KAZN: variants seen among roughly 807,000 people sequenced by gnomAD.
The protein encoded by KAZN is kazrin, periplakin interacting protein.
A neutral mutation model predicts 87.4 loss-of-function variants in KAZN; 40 were observed. The observed-to-expected ratio is 0.46, with a 90% confidence interval of 0.36 to 0.60. KAZN has a LOEUF of 0.60. KAZN is among the 20% of genes least tolerant of loss of function. The pLI is 0.00. For missense variants in KAZN, 898 were observed against 1,073.9 expected (o/e 0.84, Z 2.29); for synonymous variants, 466 against 458.3 (o/e 1.02, Z -0.22).
chr1:14,165,239 T>A (rs920299131), intron 1 of KAZN, among the ~76,000 whole-genome samples: 1 of 129,026 alleles, frequency 7.8e-6, no homozygotes, highest in African/African-American at 2.9e-5. Context: ...TGGGCCCTCA[T>A]CCTTTTGTCA....
At chr1:14,681,229 A>G (rs114078808) in intron 1 of KAZN, among the ~76,000 whole-genome samples, 2 of 152,176 alleles carry the variant, frequency 1.3e-5, no homozygotes, top group African/African-American at 2.4e-5. Flanking sequence ...AAATACCTAC[A>G]CTATATCATG....
At chr1:14,459,677 A>T (rs1177925024) in intron 2 of KAZN, among the ~76,000 whole-genome samples, 1 of 152,124 alleles carries the variant, frequency 6.6e-6, no homozygotes, top group Non-Finnish European at 1.5e-5. Context: ...GCAGCAGGAG[A>T]TGTTGGTCCA....
rs201188620 is a variant in KAZN, at chr1:14,896,041, CTTTTTTTTTTTTT to C, written c.227-64624_227-64612del. ...CAGTAAGTACAAATGAAAAAGACGC[CTTTTTTTTTTTTT>C]TTTTTTTTTTTTTTTTTTGGACACA... On this transcript the variant is annotated intron_variant, in intron 1 of 14. Coordinates refer to ENST00000376030, the MANE Select transcript of KAZN (RefSeq NM_201628.3). Among the ~76,000 whole-genome samples the C allele has an allele frequency of 8.4e-4, 118 of 140,762 alleles. 2 individuals carry two copies. The East Asian group carries it at 0.024, about 28-fold the overall frequency. 92.3% of individuals were successfully genotyped at this position (140,762 alleles called of 152,430 possible). A position where few individuals can be genotyped will look rare whatever the true frequency, so the allele number is the denominator to read the frequency against.
At chr1:14,970,425 C>G (rs1664904541) in intron 2 of KAZN, among the ~76,000 whole-genome samples, 1 of 152,196 alleles carries the variant, frequency 6.6e-6, no homozygotes, top group Admixed American at 6.5e-5. Flanking sequence ...GAATTGTTTC[C>G]AGAACCTGCC....
intron 1 of KAZN, among the ~76,000 whole-genome samples, chr1:14,890,378 C>T (rs1387654012): frequency 1.3e-5 from 2 of 152,224 alleles, no homozygotes; most frequent in African/African-American, 4.8e-5. Context: ...CAGAATCTCC[C>T]GGGCACCAGT....
At chr1:14,521,842 T>C (rs974515838) in intron 2 of KAZN, among the ~76,000 whole-genome samples, 1 of 152,212 alleles carries the variant, frequency 6.6e-6, no homozygotes, top group Non-Finnish European at 1.5e-5. Context: ...GAACTGATTA[T>C]TTTTGGCAAA....
intron 2 of KAZN, among the ~76,000 whole-genome samples, chr1:14,392,960 G>T (rs1477244216): frequency 6.6e-6 from 1 of 152,102 alleles, no homozygotes. Flanking sequence ...CTTTCTTTCT[G>T]CTCTAGGGAC....
intron 2 of KAZN, among the ~76,000 whole-genome samples, chr1:14,482,019 C>T (rs1028845515): frequency 2.6e-5 from 4 of 152,222 alleles, no homozygotes; most frequent in African/African-American, 9.6e-5. Flanking sequence ...CATGGTAATG[C>T]TTCCCAAAGG....
intron 1 of KAZN, among the ~76,000 whole-genome samples, chr1:14,792,974 C>CAAAAA (rs1338876410): frequency 3.0e-4 from 33 of 108,900 alleles, no homozygotes; most frequent in East Asian, 1.0e-3. Context: ...GACTCTGTCT[C>CAAAAA]AAAAAAAAAA....
Position 14,219,194 on chromosome 1 carries a change from T to C in KAZN, c.249+38602T>C, listed in dbSNP as rs536304554. Among the ~76,000 whole-genome samples the C allele has an allele frequency of 1.3e-4, 20 of 152,246 alleles. No homozygotes were observed. In the South Asian group the frequency reaches 4.1e-3, roughly 32 times the overall value. On this transcript the variant is annotated intron_variant, in intron 2 of 16. Coordinates refer to the KAZN transcript ENST00000636203. ...TAACAGGGGAAATGAAATATAGGGA[T>C]GTATAATCAGGTGATAAAACTGTAA...
chr1:14,537,050 C>T (rs967299280), intron 2 of KAZN, among the ~76,000 whole-genome samples: 1 of 152,166 alleles, frequency 6.6e-6, no homozygotes, highest in Admixed American at 6.5e-5. Context: ...CCAGCACTAG[C>T]GTGGTGTCTT....
intron 1 of KAZN, among the ~76,000 whole-genome samples, chr1:14,800,804 C>T (rs577318668): frequency 6.6e-6 from 1 of 152,220 alleles, no homozygotes; most frequent in South Asian, 2.1e-4. Flanking sequence ...TGATTCCATT[C>T]ATAGGAAATG....
At chr1:14,897,164 T>A (rs1003151046) in intron 1 of KAZN, among the ~76,000 whole-genome samples, 4 of 152,192 alleles carry the variant, frequency 2.6e-5, no homozygotes, top group African/African-American at 9.7e-5. Flanking sequence ...ACATTATACT[T>A]GTTCACAGTG....
chr1:14,875,977 TTCAAGC>T (rs934662205), intron 1 of KAZN, among the ~76,000 whole-genome samples: 1 of 152,220 alleles, frequency 6.6e-6, no homozygotes, highest in Non-Finnish European at 1.5e-5. Flanking sequence ...CACCCCCTGC[TTCAAGC>T]TCTGTGTGAT....
At chr1:14,908,332 G>A (rs1428914656) in intron 1 of KAZN, among the ~76,000 whole-genome samples, 1 of 152,084 alleles carries the variant, frequency 6.6e-6, no homozygotes, top group East Asian at 1.9e-4. Flanking sequence ...TTTGAGGTCA[G>A]GAGTTCAAGA....
intron 2 of KAZN, among the ~76,000 whole-genome samples, chr1:14,277,436 C>T (rs1321380862): frequency 2.0e-5 from 3 of 152,092 alleles, no homozygotes; most frequent in East Asian, 1.9e-4. Flanking sequence ...GAGGCCGAGG[C>T]GGGTGGATCA....
chr1:14,049,774 A>T (rs1642232132), intron 1 of KAZN, among the ~76,000 whole-genome samples: 1 of 152,108 alleles, frequency 6.6e-6, no homozygotes, highest in Non-Finnish European at 1.5e-5. Context: ...CACTGGGGTG[A>T]TAGTGAGGGA....
At chr1:14,200,508 C>T (rs1646616817) in intron 2 of KAZN, among the ~76,000 whole-genome samples, 1 of 152,104 alleles carries the variant, frequency 6.6e-6, no homozygotes, top group Admixed American at 6.5e-5. Context: ...TATGGAACTA[C>T]CCCTAGTCTC....
At chr1:14,713,775 C>CAAAAAAAA (rs58947119) in intron 1 of KAZN, among the ~76,000 whole-genome samples, 4 of 94,634 alleles carry the variant, frequency 4.2e-5, no homozygotes, top group East Asian at 2.8e-4. Context: ...CTCATCTCTA[C>CAAAAAAAA]AAAAAAAAAA....
Sources: gnomAD v4.1 joint callset for allele counts (sites outside exome capture counted in the v4.1 genomes callset) on GRCh38, gnomAD v4.1.1 for gene constraint, MANE v1.5 for transcripts, NCBI Gene and HGNC (gene_info 2026-07-23, HGNC 2026-07-21) for gene names.